FOCAD: variants seen among roughly 807,000 people sequenced by gnomAD.
The protein encoded by FOCAD is focadhesin, also known as KIAA1797.
FOCAD carries 198 observed loss-of-function variants against 225.6 expected under a neutral mutation model. The ratio of observed to expected loss-of-function variants is 0.88; its 90% CI spans 0.78 to 0.99. The LOEUF is 0.99. FOCAD is among the 50% of genes least tolerant of loss of function. FOCAD has a pLI of 0.00. For synonymous variants in FOCAD, 897 were observed against 755.0 expected, an observed-to-expected ratio of 1.19 and a Z score of -3.08; for missense variants, 2,713 against 2,123.6, an observed-to-expected ratio of 1.28 and a Z score of -5.46.
At chr9:20,698,505 G>C (rs957618598) in intron 1 of FOCAD, among the ~76,000 whole-genome samples, 8 of 151,990 alleles carry the variant, frequency 5.3e-5, no homozygotes, top group African/African-American at 1.9e-4. Flanking sequence ...GGCTCAAACA[G>C]TCCTCCCACC....
At position 20,753,098 on chromosome 9, in the gene FOCAD, T is replaced by C. The variant is rs1338461954; in HGVS notation, c.393-4992T>C. Among the ~76,000 whole-genome samples the C allele has an allele frequency of 2.6e-5, 4 of 152,194 alleles. No homozygotes were observed. The South Asian group carries it at 8.3e-4, about 32-fold the overall frequency. ...GTTTTCTAGATATACAATCATGTTG[T>C]CTGCAAACAGGGACAATTTGACTTC... On this transcript the variant is annotated intron_variant, in intron 5 of 43. Coordinates refer to ENST00000338382, the MANE Select transcript of FOCAD (RefSeq NM_001375567.1).
intron 2 of FOCAD, among the ~76,000 whole-genome samples, chr9:20,659,424 G>GAAAGAAAGAAAGAA (rs1821640398): frequency 2.8e-5 from 4 of 140,354 alleles, no homozygotes; most frequent in Non-Finnish European, 6.1e-5. Flanking sequence ...AGAAAGAAAG[G>GAAAGAAAGAAAGAA]AGAAAGAAAG....
intron 8 of FOCAD, 51 bp downstream of exon 8, chr9:20,770,289 C>A: frequency 2.0e-6 from 3 of 1,476,714 alleles, no homozygotes; most frequent in South Asian, 2.3e-5. Context: ...TAAGAAATAC[C>A]TGAGACTTGG....
intron 35 of FOCAD, among the ~76,000 whole-genome samples, chr9:20,957,298 A>G (rs1390050204): frequency 6.6e-6 from 1 of 151,998 alleles, no homozygotes; most frequent in East Asian, 1.9e-4. Flanking sequence ...GCTTTGAGCA[A>G]TCCTCCTGAC....
intron 8 of FOCAD, among the ~76,000 whole-genome samples, chr9:20,778,468 C>A (rs540735347): frequency 1.4e-3 from 206 of 152,292 alleles, no homozygotes; most frequent in African/African-American, 4.7e-3. Flanking sequence ...GATCCACCTG[C>A]CTTGGCCTCC....
chr9:20,682,056 T>C (rs1457348880), upstream of FOCAD, among the ~76,000 whole-genome samples: 1 of 152,174 alleles, frequency 6.6e-6, no homozygotes, highest in Non-Finnish European at 1.5e-5. Flanking sequence ...TGTCGTGCCC[T>C]TATAAAAGAC....
At chr9:20,978,216 T>G (rs1030187660) in intron 36 of FOCAD, 123 bp from the exon 37 acceptor site, 1 of 567,250 alleles carries the variant, frequency 1.8e-6, no homozygotes, top group African/African-American at 1.9e-5. Flanking sequence ...CTCTTCTGGT[T>G]TACTGAAGTT....
At chr9:20,666,956 G>A (rs931371426) in intron 2 of FOCAD, among the ~76,000 whole-genome samples, 1 of 151,848 alleles carries the variant, frequency 6.6e-6, no homozygotes, top group Non-Finnish European at 1.5e-5. Flanking sequence ...TATTCTAGTT[G>A]GCAAAAACAA....
In FOCAD at chr9:20,916,915, G is replaced by A. The variant is rs772169472; in HGVS notation, c.2830G>A (p.Glu944Lys). 1.2e-6 allele frequency: 2 copies of A among 1,605,190 alleles called. No individual in the cohort carries two copies. The highest frequency in any genetic ancestry group is 1.7e-6 in the Non-Finnish European group (2 of 1,176,954). Reference sequence around the variant, plus strand: ...CAGGGTTAGAGACATGCTGACTGATGAGATCACCAAGGCAGCTGCAAAGTA... The same window carrying A: ...CAGGGTTAGAGACATGCTGACTGATAAGATCACCAAGGCAGCTGCAAAGTA... ...WLWVRDMLTD[E>K]ITKAAAKESP... The change falls in exon 24 of 44, where the codon GAG becomes AAG. Residue 944 changes from glutamate (E) to lysine (K), a missense_variant. Transcript: ENST00000338382.
chr9:20,671,261 G>T (rs1019182330), intron 2 of FOCAD, among the ~76,000 whole-genome samples: 14 of 151,680 alleles, frequency 9.2e-5, no homozygotes, highest in Non-Finnish European at 2.1e-4. Context: ...TTGAACTCTC[G>T]GTGGCAAATT....
At chr9:20,902,169 G>C (rs1832614158) in intron 21 of FOCAD, among the ~76,000 whole-genome samples, 1 of 151,910 alleles carries the variant, frequency 6.6e-6, no homozygotes, top group Admixed American at 6.6e-5. Context: ...AGCATGAATA[G>C]AACATGACCT....
At chr9:20,870,422 A>C (rs979750729) in intron 18 of FOCAD, among the ~76,000 whole-genome samples, 1 of 152,252 alleles carries the variant, frequency 6.6e-6, no homozygotes, top group African/African-American at 2.4e-5. Flanking sequence ...TATCCGGCTC[A>C]GAACCCACAG....
At chr9:20,977,639 A>G (rs1009228600) in intron 36 of FOCAD, among the ~76,000 whole-genome samples, 2 of 152,198 alleles carry the variant, frequency 1.3e-5, no homozygotes, top group African/African-American at 4.8e-5. Flanking sequence ...GCATACTTAC[A>G]TATGATATAT....
At chr9:20,866,092 A>G in intron 17 of FOCAD, 116 bp downstream of exon 17, 1 of 837,162 alleles carries the variant, frequency 1.2e-6, no homozygotes, top group South Asian at 1.7e-5. Context: ...ATGGGTTCCC[A>G]ATTTTTAAAA....
chr9:20,986,312 G>A lies in FOCAD; in HGVS notation c.4753G>A (p.Val1585Ile). The A allele has an allele frequency of 8.8e-7, 1 of 1,137,076 alleles. No homozygotes were observed. Among genetic ancestry groups the A allele is most frequent in the South Asian group, 1.5e-5 (1 of 68,722 alleles). The allele number at this position is 1,137,076 out of a possible 1,614,324, so 70.4% of individuals were successfully genotyped here. Reference sequence around the variant, plus strand: ...GAGCAACATAGAAAAAGCTGCCTTTGTCAAACTGTACTTAGTCTCTCAAGG... The same window carrying A: ...GAGCAACATAGAAAAAGCTGCCTTTATCAAACTGTACTTAGTCTCTCAAGG... ...TKSNIEKAAF[V>I]KLYLVSQGRF... Residue 1585 changes from valine (V) to isoleucine (I), a missense_variant, in exon 40 of 44, where the codon GTC (valine) becomes ATC (isoleucine). Physicochemically the swap from Val to Ile is conservative, Grantham distance 29 (BLOSUM62 3). Transcript: ENST00000338382.
chr9:20,822,052 G>A (rs942361420), intron 14 of FOCAD, among the ~76,000 whole-genome samples: 1 of 149,090 alleles, frequency 6.7e-6, no homozygotes, highest in Non-Finnish European at 1.5e-5. Flanking sequence ...CCCAAGAATT[G>A]GGAGTTTGAA....
chr9:20,666,747 C>T (rs1422393198), intron 2 of FOCAD, among the ~76,000 whole-genome samples: 2 of 152,010 alleles, frequency 1.3e-5, no homozygotes, highest in African/African-American at 2.4e-5. Context: ...AAATGTGGTT[C>T]CAGTGGTGGC....
intron 39 of FOCAD, 23 bp from the exon 40 acceptor site, chr9:20,986,265 A>ATTTTTTT: frequency 2.2e-6 from 1 of 457,018 alleles, no homozygotes; most frequent in Non-Finnish European, 2.9e-6. Flanking sequence ...GTAACTAAAC[A>ATTTTTTT]ATTTTTTTTT....
At chr9:20,881,741 G>T (rs1362733864) in intron 19 of FOCAD, 130 bp from the exon 20 acceptor site, 3 of 825,458 alleles carry the variant, frequency 3.6e-6, no homozygotes, top group Non-Finnish European at 5.7e-6. Context: ...GGTATCAAGA[G>T]GTCTCTTTTT....
Sources: gnomAD v4.1 joint callset for allele counts (sites outside exome capture counted in the v4.1 genomes callset) on GRCh38, gnomAD v4.1.1 for gene constraint, MANE v1.5 for transcripts, NCBI Gene and HGNC (gene_info 2026-07-23, HGNC 2026-07-21) for gene names.